The following ABCA4 variants were observed in gnomAD, a reference collection of about 807,000 sequenced individuals.
The protein encoded by ABCA4 is retinal-specific phospholipid-transporting ATPase ABCA4.
In ABCA4, 196 loss-of-function variants were observed where a neutral mutation model predicts 263.7. The ratio of observed to expected loss-of-function variants is 0.74; its 90% CI spans 0.66 to 0.84. The LOEUF is 0.84. Ranked by LOEUF, ABCA4 falls within the 40% of genes least tolerant of loss-of-function variation. The probability of loss-of-function intolerance (pLI) is 0.00; values close to 1 mark genes in which losing one functional copy is unlikely to be tolerated. For missense variants in ABCA4, 2,792 were observed against 2,855.1 expected, an observed-to-expected ratio of 0.98 and a Z score of 0.50; for synonymous variants, 1,133 against 1,094.2, an observed-to-expected ratio of 1.04 and a Z score of -0.70.
At position 94,048,891 on chromosome 1, in the gene ABCA4, G is replaced by A. The variant is rs769948281; in HGVS notation, c.2720C>T (p.Pro907Leu). 3 of 1,614,074 alleles carry A rather than the reference G, an allele frequency of 1.9e-6. No homozygotes were observed. The highest frequency in any genetic ancestry group is 4.5e-5 in the East Asian group (2 of 44,868). Residue 907 changes from proline to leucine, a missense_variant, in exon 18 of 50, where the codon CCA becomes CTA. Physicochemically the swap from Pro to Leu is moderately conservative, Grantham distance 98 (BLOSUM62 -3). Transcript: ENST00000370225. ...ACCGTGTATTCCTTCTGGGTGCTCT[G>A]GATCCTCCGTTTCCTCTGTTAGGGG... ...TEPLTEETED[P>L]EHPEGIHDSF...
At chr1:94,093,895 A>G (rs1263706217) in intron 6 of ABCA4, among the ~76,000 whole-genome samples, 2 of 152,238 alleles carry the variant, frequency 1.3e-5, no homozygotes, top group African/African-American at 4.8e-5. Flanking sequence ...TAAATCAAAT[A>G]TATTTGCTGT....
At chr1:94,112,078 C>T (rs979567399) in intron 2 of ABCA4, among the ~76,000 whole-genome samples, 5 of 152,092 alleles carry the variant, frequency 3.3e-5, no homozygotes, top group East Asian at 1.9e-4. Context: ...AACTCATGAA[C>T]GAGAAGGTGA....
intron 30 of ABCA4, 125 bp downstream of exon 30, chr1:94,029,320 T>C: frequency 1.0e-6 from 1 of 1,002,770 alleles, no homozygotes; most frequent in Non-Finnish European, 1.4e-6. Context: ...GGGAGTTTGG[T>C]TTAGTCCCCT....
intron 11 of ABCA4, among the ~76,000 whole-genome samples, chr1:94,073,221 T>C (rs2101093796): frequency 6.6e-6 from 1 of 152,286 alleles, no homozygotes; most frequent in Middle Eastern, 3.4e-3. Context: ...ACACATTTCC[T>C]CCCCGCTATC....
chr1:94,005,857 C>T (rs1557761436), intron 43 of ABCA4, among the ~76,000 whole-genome samples: 1 of 152,152 alleles, frequency 6.6e-6, no homozygotes, highest in Non-Finnish European at 1.5e-5. Context: ...GATCACCTCA[C>T]ATGTGAGTTT....
chr1:94,036,647 G>T, intron 26 of ABCA4, 93 bp downstream of exon 26: 1 of 1,369,914 alleles, frequency 7.3e-7, no homozygotes, highest in Non-Finnish European at 1.0e-6. Flanking sequence ...GGGATTACAG[G>T]CATGAGCCAC....
chr1:94,011,163 G>A (rs973688717), intron 39 of ABCA4, 99 bp downstream of exon 39: 1 of 1,599,680 alleles, frequency 6.3e-7, no homozygotes. Flanking sequence ...TCCCCTCCTA[G>A]CACCAGCCCC....
intron 24 of ABCA4, among the ~76,000 whole-genome samples, chr1:94,038,830 T>C (rs899732823): frequency 6.6e-6 from 1 of 152,190 alleles, no homozygotes; most frequent in African/African-American, 2.4e-5. Context: ...TGGGTGTGTT[T>C]AAGTGAAAAG....
intron 1 of ABCA4, 93 bp downstream of exon 1, chr1:94,120,887 G>GGGCCCCCC: frequency 2.1e-5 from 7 of 339,360 alleles, no homozygotes; most frequent in African/African-American, 3.4e-5. Flanking sequence ...CCCCCACCCT[G>GGGCCCCCC]CCCCACCACC....
chr1:94,083,578 A>G, intron 6 of ABCA4, 137 bp from the exon 7 acceptor site: 2 of 665,428 alleles, frequency 3.0e-6, no homozygotes, highest in Admixed American at 2.8e-5. Flanking sequence ...TTTCTGCAAG[A>G]TTACTTTTAG....
At chr1:94,023,506 GA>G in intron 31 of ABCA4, 88 bp from the exon 32 acceptor site, 10 of 1,198,040 alleles carry the variant, frequency 8.3e-6, no homozygotes, top group Non-Finnish European at 1.2e-5. Context: ...TTTGAAGACT[GA>G]AGTCTCAGTC....
intron 11 of ABCA4, among the ~76,000 whole-genome samples, chr1:94,068,379 C>T (rs1285314361): frequency 6.6e-6 from 1 of 152,206 alleles, no homozygotes; most frequent in Non-Finnish European, 1.5e-5. Context: ...CTGGGTCACC[C>T]TCTGAAGTAT....
At chr1:94,102,721 T>C (rs1436744697) in intron 5 of ABCA4, among the ~76,000 whole-genome samples, 1 of 152,164 alleles carries the variant, frequency 6.6e-6, no homozygotes, top group Non-Finnish European at 1.5e-5. Context: ...TAGATTTCTG[T>C]TTCCTCATCT....
At chr1:94,049,439 C>T (rs1660775202) in intron 17 of ABCA4, among the ~76,000 whole-genome samples, 1 of 152,140 alleles carries the variant, frequency 6.6e-6, no homozygotes, top group Admixed American at 6.5e-5. Flanking sequence ...GTCTGACCAA[C>T]ATGGTGAAAC....
chr1:94,019,431 G>A (rs1479952261), intron 36 of ABCA4, 151 bp downstream of exon 36: 2 of 835,250 alleles, frequency 2.4e-6, no homozygotes, highest in African/African-American at 1.7e-5. Flanking sequence ...GATGTCAAGG[G>A]ACAGCAGATA....
chr1:94,106,089 C>G (rs372376409), intron 4 of ABCA4, among the ~76,000 whole-genome samples: 1 of 152,230 alleles, frequency 6.6e-6, no homozygotes, highest in South Asian at 2.1e-4. Context: ...GGATGGACCC[C>G]TGTTCCCTCT....
chr1:94,018,796 G>C (rs1359107169), intron 36 of ABCA4, among the ~76,000 whole-genome samples: 1 of 151,934 alleles, frequency 6.6e-6, no homozygotes, highest in African/African-American at 2.4e-5. Context: ...CCTGTAATAG[G>C]GTACGCTATC....
intron 11 of ABCA4, among the ~76,000 whole-genome samples, chr1:94,071,481 T>A (rs750692783): frequency 3.3e-5 from 5 of 152,228 alleles, no homozygotes; most frequent in African/African-American, 4.8e-5. Context: ...CAGAAAGAGC[T>A]TTCTCATCAG....
rs2065712 is a variant in ABCA4 at position 94,010,479 on chromosome 1, C to T, written c.5714+321G>A. Among the ~76,000 whole-genome samples, 35,578 of 152,124 alleles carry T rather than the reference C, an allele frequency of 0.23. 4,292 individuals are homozygous for T. The highest frequency in any genetic ancestry group is 0.25 in the Non-Finnish European group (17,133 of 67,982). ...AGTCTATTTCCTAGTACTTTGGATA[C>T]CCTGTAACCATTGTTATTTGCAATA... On this transcript the variant is annotated intron_variant, in intron 40 of 49. Transcript: ENST00000370225.
Sources: gnomAD v4.1 joint callset for allele counts (sites outside exome capture counted in the v4.1 genomes callset) on GRCh38, gnomAD v4.1.1 for gene constraint, MANE v1.5 for transcripts, NCBI Gene and HGNC (gene_info 2026-07-23, HGNC 2026-07-21) for gene names.